NT5DC1: variants seen among roughly 807,000 people sequenced by gnomAD.
NT5DC1 encodes the protein 5'-nucleotidase domain-containing protein 1.
Under a neutral mutation model 59.4 loss-of-function variants are expected in NT5DC1, and 42 were observed. That is an observed-to-expected ratio of 0.71 (90% confidence interval 0.55 to 0.92). The LOEUF (loss-of-function observed/expected upper bound fraction) is 0.92. Ranked by LOEUF, NT5DC1 falls within the 40% of genes least tolerant of loss-of-function variation. The pLI is 0.00. For synonymous variants in NT5DC1, 172 were observed against 188.1 expected (o/e 0.91, Z 0.70); for missense variants, 501 against 537.1 (o/e 0.93, Z 0.66).
In NT5DC1 at chr6:116,165,584, C is replaced by T. The variant is rs73774203; in HGVS notation, c.529+47639C>T. Among the ~76,000 whole-genome samples, 866 of 152,340 alleles carry T rather than the reference C, an allele frequency of 5.7e-3. 17 individuals carry two copies. The highest frequency in any genetic ancestry group is 0.046 in the South Asian group (222 of 4,828). On this transcript the variant is annotated intron_variant, in intron 6 of 11. Transcript: ENST00000319550. ...GACTGGGTTAATTCGAAAAATGCCTCTCCTACATCCACAACAGTGGACTGA... is the reference window on the plus strand; with the variant it reads ...GACTGGGTTAATTCGAAAAATGCCTTTCCTACATCCACAACAGTGGACTGA...
chr6:116,108,002 GTGTGTGTA>G (rs890146206), intron 2 of NT5DC1, among the ~76,000 whole-genome samples: 1 of 147,710 alleles, frequency 6.8e-6, no homozygotes, highest in African/African-American at 2.6e-5. Flanking sequence ...GTGTGTGTGT[GTGTGTGTA>G]TGTGTGTTTT....
chr6:116,167,206 ATT>A lies in NT5DC1; in HGVS notation c.529+49285_529+49286del, dbSNP rs61348980. On this transcript the variant is annotated intron_variant, in intron 6 of 11. Coordinates refer to ENST00000319550, the MANE Select transcript of NT5DC1 (RefSeq NM_152729.3). ...TTTGTAAAATTAGTTCAAATAGAAG[ATT>A]TTTTTTTTTTTTTTTTTTTTTTTGA... Among the ~76,000 whole-genome samples, 724 of 87,822 alleles carry A rather than the reference ATT, an allele frequency of 8.2e-3. 4 individuals are homozygous for A. Among genetic ancestry groups the A allele is most frequent in the African/African-American group, 0.029 (596 of 20,416 alleles). 57.6% of individuals were successfully genotyped at this position (87,822 alleles called of 152,430 possible). A position where few individuals can be genotyped will look rare whatever the true frequency, so the allele number is the denominator to read the frequency against.
At chr6:116,129,483 A>T (rs1298206872) in intron 6 of NT5DC1, among the ~76,000 whole-genome samples, 1 of 152,144 alleles carries the variant, frequency 6.6e-6, no homozygotes. Flanking sequence ...TTATTGTGGG[A>T]ATGGGTTAGT....
Position 116,231,700 on chromosome 6 carries a change from T to G in NT5DC1, c.803-5266T>G, listed in dbSNP as rs555484562. Among the ~76,000 whole-genome samples the G allele has an allele frequency of 1.3e-4, 20 of 152,346 alleles. No individual in the cohort carries two copies. The South Asian group carries it at 3.7e-3, about 28-fold the overall frequency. ...TCTCATGTTTGTAACTTTTTACTTG[T>G]AACAGAAAAACATTGGCAACAACCC... On this transcript the variant is annotated intron_variant, in intron 8 of 11. Transcript: ENST00000319550.
At chr6:116,236,111 G>A (rs754009614) in intron 8 of NT5DC1, among the ~76,000 whole-genome samples, 2 of 152,142 alleles carry the variant, frequency 1.3e-5, no homozygotes, top group Non-Finnish European at 2.9e-5. Flanking sequence ...CCAAAAAAGT[G>A]GGGGGAATAA....
rs1267407913 is a variant in NT5DC1, at chr6:116,212,568, A to G, written c.530-8486A>G. ...TGAAGAAACTGAGGATATCTGAACT[A>G]AATTAATTAAGGAAACAGTGCACTC... is the stretch of plus-strand genomic sequence containing the variant. On this transcript the variant is annotated intron_variant, in intron 6 of 11. Transcript: ENST00000319550. 3.3e-5 allele frequency among the ~76,000 whole-genome samples: 5 copies of G among 152,142 alleles called. No homozygotes were observed. The East Asian group carries it at 9.6e-4, about 29-fold the overall frequency.
chr6:116,187,365 C>A (rs1781022957), intron 6 of NT5DC1, among the ~76,000 whole-genome samples: 1 of 151,946 alleles, frequency 6.6e-6, no homozygotes, highest in African/African-American at 2.4e-5. Flanking sequence ...GAAGCTCATG[C>A]CACAATTTAT....
chr6:116,117,003 T>C (rs757587797), intron 5 of NT5DC1, among the ~76,000 whole-genome samples: 5 of 152,316 alleles, frequency 3.3e-5, no homozygotes, highest in African/African-American at 7.2e-5. Context: ...GAAAACAATT[T>C]ACAGTTCGGA....
Position 116,135,847 on chromosome 6 carries a change from A to ATG in NT5DC1, c.529+17903_529+17904insGT, listed in dbSNP as rs1459782766. On this transcript the variant is annotated intron_variant, in intron 6 of 11. Transcript: ENST00000319550. ...AATATATTTTCAGATATATATATAT[A>ATG]TATATATATATATATATATATATAT... Among the ~76,000 whole-genome samples the ATG allele has an allele frequency of 1.7e-3, 196 of 116,334 alleles. 1 individual carries two copies. Among genetic ancestry groups the ATG allele is most frequent in the African/African-American group, 7.9e-3 (179 of 22,660 alleles). The allele number at this position is 116,334 out of a possible 152,430, so 76.3% of individuals were successfully genotyped here.
intron 1 of NT5DC1, among the ~76,000 whole-genome samples, chr6:116,102,493 T>C (rs1376155231): frequency 6.6e-6 from 1 of 152,220 alleles, no homozygotes; most frequent in Non-Finnish European, 1.5e-5. Context: ...TTTCGAATCC[T>C]TCCTGGTTCA....
intron 6 of NT5DC1, among the ~76,000 whole-genome samples, chr6:116,194,421 A>G (rs1375267084): frequency 1.3e-5 from 2 of 152,018 alleles, no homozygotes; most frequent in Non-Finnish European, 2.9e-5. Context: ...CAATTTCGGG[A>G]AAAAAATGGC....
At chr6:116,191,450 G>C (rs1366200429) in intron 6 of NT5DC1, among the ~76,000 whole-genome samples, 1 of 152,090 alleles carries the variant, frequency 6.6e-6, no homozygotes, top group Non-Finnish European at 1.5e-5. Flanking sequence ...ATGTTTTACA[G>C]TGTAAGAGGT....
intron 6 of NT5DC1, among the ~76,000 whole-genome samples, chr6:116,157,462 T>C (rs190693601): frequency 3.8e-4 from 58 of 152,344 alleles, no homozygotes; most frequent in Admixed American, 1.6e-3. Flanking sequence ...TTGAAAAAGC[T>C]GCCTGCCAAA....
chr6:116,101,054 G>C (rs567012865), intron 1 of NT5DC1, 31 bp downstream of exon 1: 1 of 1,489,352 alleles, frequency 6.7e-7, no homozygotes. Context: ...GGCGCACTGC[G>C]CGCAACCTCC....
intron 6 of NT5DC1, among the ~76,000 whole-genome samples, chr6:116,177,422 T>C (rs1355015505): frequency 6.6e-6 from 1 of 152,210 alleles, no homozygotes; most frequent in East Asian, 1.9e-4. Context: ...ATATTAGAAA[T>C]GGCTTCCATC....
chr6:116,172,453 G>T (rs532375234), intron 6 of NT5DC1, among the ~76,000 whole-genome samples: 1 of 151,384 alleles, frequency 6.6e-6, no homozygotes, highest in South Asian at 2.1e-4. Context: ...TGCTGAGTAG[G>T]TAGGACTACA....
intron 3 of NT5DC1, among the ~76,000 whole-genome samples, chr6:116,110,137 C>A (rs1778844707): frequency 6.6e-6 from 1 of 152,186 alleles, no homozygotes; most frequent in East Asian, 1.9e-4. Flanking sequence ...TATTTTTCAA[C>A]CCAGGTTGAC....
intron 6 of NT5DC1, among the ~76,000 whole-genome samples, chr6:116,139,263 A>G (rs1481266764): frequency 6.6e-6 from 1 of 152,132 alleles, no homozygotes; most frequent in East Asian, 1.9e-4. Context: ...TCTACTAGTA[A>G]CAATTTGTGG....
chr6:116,125,338 C>T (rs1298501558), intron 6 of NT5DC1: 3 of 1,613,284 alleles, frequency 1.9e-6, no homozygotes, highest in East Asian at 4.5e-5. Context: ...ATTCAATTTA[C>T]CTTTACTCTT....
Sources: gnomAD v4.1 joint callset for allele counts (sites outside exome capture counted in the v4.1 genomes callset) on GRCh38, gnomAD v4.1.1 for gene constraint, MANE v1.5 for transcripts, NCBI Gene and HGNC (gene_info 2026-07-23, HGNC 2026-07-21) for gene names.